Variants in ZFHX3 observed in about 807,000 individuals in gnomAD.
ZFHX3 encodes the protein zinc finger homeobox 3.
In ZFHX3, 42 loss-of-function variants were observed where a neutral mutation model predicts 279.1. The observed-to-expected ratio is 0.15, with a 90% confidence interval of 0.12 to 0.19. The LOEUF (loss-of-function observed/expected upper bound fraction) is 0.19, where lower values mean the gene tolerates loss of function less well. Ranked by LOEUF, ZFHX3 falls within the 10% of genes least tolerant of loss-of-function variation. The pLI is 1.00. For missense variants in ZFHX3, 4,981 were observed against 4,754.0 expected (o/e 1.05, Z -1.40); for synonymous variants, 2,293 against 1,957.8 (o/e 1.17, Z -4.52).
rs77119373 is a variant in ZFHX3 at position 72,854,485 on chromosome 16, G to A, written c.3449-24626C>T. 7.2e-3 allele frequency among the ~76,000 whole-genome samples: 1,099 copies of A among 152,204 alleles called. 14 individuals are homozygous for A. Among genetic ancestry groups the A allele is most frequent in the African/African-American group, 0.025 (1,030 of 41,508 alleles). ...AACTCCCTCTGAGGCCTACAAATCC[G>A]GGCTCTCCAAGGCCCCTCCTGCCAC... is the stretch of plus-strand genomic sequence containing the variant. On this transcript the variant is annotated intron_variant, in intron 4 of 9. Transcript: ENST00000268489.
Position 73,707,475 on chromosome 16 carries a change from C to A in ZFHX3, c.-1607-27235G>T, listed in dbSNP as rs893149040. On this transcript the variant is annotated intron_variant, in intron 1 of 17. Coordinates refer to the ZFHX3 transcript ENST00000641206. Reference sequence around the variant, plus strand: ...TGAAGCTGGAAACCATCATTCTCAGCAAACTATCTCAAGGACAAAAAACCA... The same window carrying A: ...TGAAGCTGGAAACCATCATTCTCAGAAAACTATCTCAAGGACAAAAAACCA... Among the ~76,000 whole-genome samples the A allele has an allele frequency of 3.3e-5, 5 of 150,748 alleles. No individual in the cohort carries two copies. The East Asian group carries it at 9.8e-4, about 30-fold the overall frequency.
At chr16:72,835,279 T>TGCG (rs1366991804) in intron 4 of ZFHX3, among the ~76,000 whole-genome samples, 2 of 152,124 alleles carry the variant, frequency 1.3e-5, no homozygotes, top group African/African-American at 4.8e-5. Flanking sequence ...GCTTGGAAAA[T>TGCG]GCGGCGGTGC....
intron 2 of ZFHX3, among the ~76,000 whole-genome samples, chr16:73,673,840 A>G (rs1221587174): frequency 3.9e-5 from 6 of 152,244 alleles, no homozygotes; most frequent in African/African-American, 1.4e-4. Context: ...CATGAAAACT[A>G]GGAATTGATC....
At chr16:73,260,353 T>C (rs896908054) in intron 4 of ZFHX3, among the ~76,000 whole-genome samples, 3 of 152,260 alleles carry the variant, frequency 2.0e-5, no homozygotes, top group Middle Eastern at 6.8e-3. Flanking sequence ...TTGGGAGATA[T>C]TTTGAGACTC....
chr16:72,827,921 A>G (rs2036973215), intron 5 of ZFHX3, among the ~76,000 whole-genome samples: 1 of 152,176 alleles, frequency 6.6e-6, no homozygotes, highest in African/African-American at 2.4e-5. Context: ...CCCAGGAAAC[A>G]CTGAACAGTG....
intron 3 of ZFHX3, among the ~76,000 whole-genome samples, chr16:72,906,703 C>G (rs900000992): frequency 7.9e-5 from 12 of 152,126 alleles, no homozygotes; most frequent in African/African-American, 2.9e-4. Context: ...GAGGCTGATG[C>G]AGGAGAATCA....
At chr16:73,562,318 G>A (rs537908165) in intron 2 of ZFHX3, among the ~76,000 whole-genome samples, 15 of 152,224 alleles carry the variant, frequency 9.9e-5, no homozygotes, top group African/African-American at 2.9e-4. Context: ...ATGAGAGGCC[G>A]GGCGCGGTGG....
chr16:73,109,025 C>A (rs4544265), intron 7 of ZFHX3, among the ~76,000 whole-genome samples: 51,551 of 152,016 alleles, frequency 0.34, 8,988 homozygotes, highest in Admixed American at 0.46. Flanking sequence ...CGGAGGCATC[C>A]CTGTTGTTCC....
At chr16:73,549,794 T>C (rs1448245189) in intron 2 of ZFHX3, among the ~76,000 whole-genome samples, 1 of 152,088 alleles carries the variant, frequency 6.6e-6, no homozygotes, top group Non-Finnish European at 1.5e-5. Flanking sequence ...ACTCCTGGCT[T>C]TTTTTTCTTC....
upstream of ZFHX3, among the ~76,000 whole-genome samples, chr16:73,062,579 T>C (rs1965697641): frequency 6.6e-6 from 1 of 152,180 alleles, no homozygotes; most frequent in Admixed American, 6.5e-5. Context: ...TGAGCAGCTA[T>C]TATTTGGTCC....
chr16:73,187,144 T>TCTCACACACA (rs1555503407), intron 5 of ZFHX3, among the ~76,000 whole-genome samples: 46 of 147,074 alleles, frequency 3.1e-4, no homozygotes, highest in Admixed American at 2.2e-3. Flanking sequence ...GTTGTATGTC[T>TCTCACACACA]CACACACACA....
At chr16:72,848,545 G>A (rs557746797) in intron 4 of ZFHX3, among the ~76,000 whole-genome samples, 14 of 152,086 alleles carry the variant, frequency 9.2e-5, no homozygotes, top group Admixed American at 3.9e-4. Flanking sequence ...GGCCCTCTGG[G>A]CTGTCACCTT....
intron 5 of ZFHX3, among the ~76,000 whole-genome samples, chr16:73,238,969 A>G (rs775775651): frequency 1.3e-5 from 2 of 152,050 alleles, no homozygotes; most frequent in Non-Finnish European, 2.9e-5. Context: ...GCAAGACCCT[A>G]TTCCTGCTTC....
intron 2 of ZFHX3, among the ~76,000 whole-genome samples, chr16:73,473,511 C>A (rs2018712618): frequency 6.6e-6 from 1 of 152,020 alleles, no homozygotes; most frequent in East Asian, 1.9e-4. Flanking sequence ...AGAGTCCTGG[C>A]CTATGTTTGA....
chr16:73,316,622 G>A (rs749462122), intron 4 of ZFHX3, among the ~76,000 whole-genome samples: 42 of 152,052 alleles, frequency 2.8e-4, no homozygotes, highest in Admixed American at 2.6e-4. Context: ...AAAGGATCTC[G>A]TCTTATACTT....
chr16:73,336,125 G>A (rs564170183), intron 3 of ZFHX3, among the ~76,000 whole-genome samples: 1 of 152,344 alleles, frequency 6.6e-6, no homozygotes, highest in South Asian at 2.1e-4. Context: ...GGCGGCAGGT[G>A]CAGGCAGTGG....
chr16:73,133,022 C>G (rs1376001801), intron 6 of ZFHX3, among the ~76,000 whole-genome samples: 1 of 152,188 alleles, frequency 6.6e-6, no homozygotes, highest in Non-Finnish European at 1.5e-5. Flanking sequence ...GATGAGCAAC[C>G]TTGGCAACAC....
At chr16:73,819,072 G>A (rs1960661145) in intron 1 of ZFHX3, among the ~76,000 whole-genome samples, 1 of 152,010 alleles carries the variant, frequency 6.6e-6, no homozygotes, top group Admixed American at 6.6e-5. Flanking sequence ...CCTTACGTGG[G>A]GCACTGAGGT....
At chr16:73,120,783 T>C (rs1442755698) in intron 7 of ZFHX3, among the ~76,000 whole-genome samples, 2 of 151,182 alleles carry the variant, frequency 1.3e-5, no homozygotes, top group Non-Finnish European at 2.9e-5. Flanking sequence ...ACCTCCCGAG[T>C]AGCTGGGACC....
Sources: allele counts gnomAD v4.1 joint callset (sites outside exome capture counted in the v4.1 genomes callset), GRCh38; gene constraint gnomAD v4.1.1; transcripts MANE v1.5; gene names NCBI Gene and HGNC (gene_info 2026-07-23, HGNC 2026-07-21).